Variants in RUNDC3B observed in about 807,000 individuals in gnomAD.
The protein encoded by RUNDC3B is RUN domain-containing protein 3B.
RUNDC3B carries 33 observed loss-of-function variants against 58.4 expected under a neutral mutation model. The observed-to-expected ratio is 0.56, with a 90% CI of 0.43 to 0.75. The LOEUF (loss-of-function observed/expected upper bound fraction) is 0.75, where lower values mean the gene tolerates loss of function less well. Ranked by LOEUF, RUNDC3B falls within the 30% of genes least tolerant of loss-of-function variation. The pLI is 0.00. For synonymous variants in RUNDC3B, 193 were observed against 195.2 expected (o/e 0.99, Z 0.10); for missense variants, 501 against 535.7 (o/e 0.94, Z 0.64).
intron 4 of RUNDC3B, among the ~76,000 whole-genome samples, chr7:87,733,097 A>G (rs1036655481): frequency 5.9e-5 from 9 of 152,096 alleles, no homozygotes; most frequent in African/African-American, 2.2e-4. Context: ...CAAGATGAGG[A>G]CGTTTATAGC....
chr7:87,702,857 C>T (rs773240548), intron 3 of RUNDC3B, among the ~76,000 whole-genome samples: 6 of 152,038 alleles, frequency 3.9e-5, no homozygotes, highest in Non-Finnish European at 7.4e-5. Flanking sequence ...TCAGAAAATA[C>T]TCAAAATCTG....
At chr7:87,663,212 T>C (rs931269349) in intron 2 of RUNDC3B, among the ~76,000 whole-genome samples, 1 of 152,152 alleles carries the variant, frequency 6.6e-6, no homozygotes, top group Non-Finnish European at 1.5e-5. Flanking sequence ...TTTTTCCTTT[T>C]TAGTTGGATG....
chr7:87,754,322 A>G (rs1475188914), intron 6 of RUNDC3B, among the ~76,000 whole-genome samples: 1 of 152,206 alleles, frequency 6.6e-6, no homozygotes, highest in Non-Finnish European at 1.5e-5. Context: ...GAATTAAACA[A>G]CATGCTCCTG....
At chr7:87,742,917 T>C (rs1832421457) in intron 6 of RUNDC3B, among the ~76,000 whole-genome samples, 1 of 151,796 alleles carries the variant, frequency 6.6e-6, no homozygotes, top group Non-Finnish European at 1.5e-5. Context: ...ATAGAGACCA[T>C]CCGGGCTAAC....
At chr7:87,775,811 A>C (rs1834588835) in intron 7 of RUNDC3B, among the ~76,000 whole-genome samples, 1 of 152,190 alleles carries the variant, frequency 6.6e-6, no homozygotes, top group African/African-American at 2.4e-5. Flanking sequence ...TAGGAACAAT[A>C]GGCTATACCA....
chr7:87,773,256 G>A (rs1428191583), intron 7 of RUNDC3B, among the ~76,000 whole-genome samples: 2 of 150,504 alleles, frequency 1.3e-5, no homozygotes, highest in African/African-American at 4.9e-5. Flanking sequence ...CCGCGAGGCG[G>A]AGCTTGCAGT....
At chr7:87,795,994 A>G (rs1214079122) in intron 8 of RUNDC3B, among the ~76,000 whole-genome samples, 1 of 152,238 alleles carries the variant, frequency 6.6e-6, no homozygotes, top group Admixed American at 6.5e-5. Flanking sequence ...TATTGAAGAA[A>G]TATCTACACT....
intron 2 of RUNDC3B, among the ~76,000 whole-genome samples, chr7:87,683,841 G>A (rs1827179004): frequency 6.6e-6 from 1 of 152,144 alleles, no homozygotes; most frequent in South Asian, 2.1e-4. Flanking sequence ...CCTTCAACGT[G>A]TAAAAAATAC....
chr7:87,718,517 C>T (rs943153791), intron 4 of RUNDC3B, among the ~76,000 whole-genome samples: 1 of 152,116 alleles, frequency 6.6e-6, no homozygotes, highest in African/African-American at 2.4e-5. Flanking sequence ...CAAGCCTAAT[C>T]TTTTAATCAG....
chr7:87,810,538 C>T (rs1836659552), intron 9 of RUNDC3B, among the ~76,000 whole-genome samples: 1 of 152,066 alleles, frequency 6.6e-6, no homozygotes, highest in Non-Finnish European at 1.5e-5. Flanking sequence ...GGCTAATGGC[C>T]TCCTGTTTGT....
At chr7:87,636,339 C>T (rs930690334) in intron 1 of RUNDC3B, among the ~76,000 whole-genome samples, 2 of 152,154 alleles carry the variant, frequency 1.3e-5, no homozygotes, top group Non-Finnish European at 2.9e-5. Flanking sequence ...AGTCAAGCAC[C>T]TTTCCGTAAG....
chr7:87,751,441 A>G (rs561908172), intron 6 of RUNDC3B, among the ~76,000 whole-genome samples: 11 of 152,176 alleles, frequency 7.2e-5, no homozygotes, highest in Admixed American at 2.0e-4. Flanking sequence ...CTTGATGGGG[A>G]TGGCATTGAA....
intron 8 of RUNDC3B, among the ~76,000 whole-genome samples, chr7:87,801,102 C>T (rs887416799): frequency 2.6e-5 from 4 of 152,146 alleles, no homozygotes; most frequent in Non-Finnish European, 5.9e-5. Flanking sequence ...CACTTTGCTT[C>T]TGAGAAAGTT....
At chr7:87,812,817 T>G (rs1336423740) in intron 9 of RUNDC3B, among the ~76,000 whole-genome samples, 1 of 152,208 alleles carries the variant, frequency 6.6e-6, no homozygotes, top group Non-Finnish European at 1.5e-5. Flanking sequence ...AATCTTACTG[T>G]GTGATGTTAA....
intron 6 of RUNDC3B, among the ~76,000 whole-genome samples, chr7:87,762,803 G>T (rs1833768455): frequency 6.6e-6 from 1 of 150,838 alleles, no homozygotes; most frequent in Non-Finnish European, 1.5e-5. Context: ...AAGAATTTAT[G>T]AAATACATTG....
intron 1 of RUNDC3B, among the ~76,000 whole-genome samples, chr7:87,632,956 A>G (rs1240689189): frequency 1.3e-5 from 2 of 152,238 alleles, no homozygotes; most frequent in African/African-American, 2.4e-5. Flanking sequence ...GACTAATAAG[A>G]GGAATATAAG....
intron 1 of RUNDC3B, among the ~76,000 whole-genome samples, chr7:87,635,648 A>G (rs757739143): frequency 1.5e-4 from 23 of 152,148 alleles, no homozygotes; most frequent in Non-Finnish European, 2.8e-4. Context: ...TTCCATATAG[A>G]AAAGTATACG....
At chr7:87,665,811 A>G (rs1265307125) in intron 2 of RUNDC3B, among the ~76,000 whole-genome samples, 1 of 151,966 alleles carries the variant, frequency 6.6e-6, no homozygotes, top group Admixed American at 6.6e-5. Flanking sequence ...CTGTTCCCGC[A>G]TTATTTCACT....
intron 4 of RUNDC3B, among the ~76,000 whole-genome samples, chr7:87,720,746 G>A (rs1285443204): frequency 1.3e-5 from 2 of 151,220 alleles, no homozygotes; most frequent in Non-Finnish European, 1.5e-5. Context: ...GACTACAGAC[G>A]CGTGCCACCA....
Sources: allele counts gnomAD v4.1 joint callset (sites outside exome capture counted in the v4.1 genomes callset), GRCh38; gene constraint gnomAD v4.1.1; transcripts MANE v1.5; gene names NCBI Gene and HGNC (gene_info 2026-07-23, HGNC 2026-07-21).